PARVA: variants seen among roughly 807,000 people sequenced by gnomAD.
PARVA encodes parvin alpha.
PARVA carries 25 observed loss-of-function variants against 52.6 expected under a neutral mutation model. The observed-to-expected ratio is 0.48, with a 90% confidence interval of 0.35 to 0.66. PARVA has a LOEUF of 0.66. PARVA is among the 30% of genes least tolerant of loss of function. The pLI, the probability that PARVA is intolerant of heterozygous loss-of-function variation, is 0.01. For synonymous variants in PARVA, 185 were observed against 179.1 expected, an observed-to-expected ratio of 1.03 and a Z score of -0.26; for missense variants, 373 against 450.9, an observed-to-expected ratio of 0.83 and a Z score of 1.56.
chr11:12,382,782 A>T (rs1939511806), intron 1 of PARVA, among the ~76,000 whole-genome samples: 1 of 152,160 alleles, frequency 6.6e-6, no homozygotes, highest in African/African-American at 2.4e-5. Context: ...AAGTTACTTA[A>T]CCCCTGTAAG....
At chr11:12,469,641 T>C (rs1450891855) in intron 1 of PARVA, among the ~76,000 whole-genome samples, 1 of 152,224 alleles carries the variant, frequency 6.6e-6, no homozygotes, top group African/African-American at 2.4e-5. Flanking sequence ...AGGCCTGCAC[T>C]GGGCAGTTTG....
chr11:12,426,587 A>G (rs1381713594), intron 1 of PARVA, among the ~76,000 whole-genome samples: 2 of 152,210 alleles, frequency 1.3e-5, no homozygotes, highest in East Asian at 3.8e-4. Context: ...GAGCATCCAG[A>G]TGACGTATGT....
At position 12,473,774 on chromosome 11, in the gene PARVA, G is replaced by T. The variant is rs781396749; in HGVS notation, c.166G>T (p.Ala56Ser). 1 of 1,568,990 alleles carries T rather than the reference G, an allele frequency of 6.4e-7. No homozygotes were observed. The highest frequency in any genetic ancestry group is 1.2e-5 in the South Asian group (1 of 85,102). The change falls in exon 2 of 13, where the codon GCC becomes TCC. Residue 56 changes from alanine (A) to serine (S), a missense_variant. Transcript: ENST00000334956. ...CGAGCTGCAGGAGGAGGGAATGAACGCCATCAACCTGCCCCTCAGCCCAAT... is the reference window on the plus strand; with the variant it reads ...CGAGCTGCAGGAGGAGGGAATGAACTCCATCAACCTGCCCCTCAGCCCAAT... ...VSELQEEGMN[A>S]INLPLSPIPF...
Position 12,439,558 on chromosome 11 carries a change from G to A in PARVA, c.137-34187G>A, listed in dbSNP as rs552686212. Among the ~76,000 whole-genome samples the A allele has an allele frequency of 2.0e-5, 3 of 152,324 alleles. No individual in the cohort carries two copies. In the East Asian group the frequency reaches 5.8e-4, roughly 29 times the overall value. ...AATGATGGCACCCAGAGGCCCAGCTGAAGGGACAGGCCTGGGTTGCCATGT... is the reference window on the plus strand; with the variant it reads ...AATGATGGCACCCAGAGGCCCAGCTAAAGGGACAGGCCTGGGTTGCCATGT... On this transcript the variant is annotated intron_variant, in intron 1 of 12. Transcript: ENST00000334956.
chr11:12,522,421 C>CTTTTTTTTTTTTTTTTTTTTT (rs66494894), intron 12 of PARVA, among the ~76,000 whole-genome samples: 5 of 134,634 alleles, frequency 3.7e-5, no homozygotes, highest in African/African-American at 5.6e-5. Context: ...GAGCTTTATT[C>CTTTTTTTTTTTTTTTTTTTTT]TTTTTTTTTT....
intron 6 of PARVA, among the ~76,000 whole-genome samples, chr11:12,506,218 A>G (rs958027246): frequency 6.6e-6 from 1 of 152,188 alleles, no homozygotes; most frequent in Non-Finnish European, 1.5e-5. Flanking sequence ...AGTTCATGAA[A>G]GAGTACTTTA....
chr11:12,495,704 C>G (rs547650544), intron 4 of PARVA, among the ~76,000 whole-genome samples: 1 of 152,048 alleles, frequency 6.6e-6, no homozygotes, highest in South Asian at 2.1e-4. Flanking sequence ...AAAAACCACT[C>G]AGAAAGAGAA....
At chr11:12,508,438 T>C in intron 6 of PARVA, 146 bp from the exon 7 acceptor site, 1 of 666,118 alleles carries the variant, frequency 1.5e-6, no homozygotes, top group Non-Finnish European at 2.6e-6. Flanking sequence ...GGACCTCCTT[T>C]CACTTCCAGC....
intron 5 of PARVA, among the ~76,000 whole-genome samples, chr11:12,500,792 G>GA (rs1564863828): frequency 6.9e-6 from 1 of 145,754 alleles, no homozygotes; most frequent in Non-Finnish European, 1.5e-5. Context: ...CTCCATCTCA[G>GA]AAAAAAGAAA....
At chr11:12,501,279 G>T (rs991853108) in intron 5 of PARVA, among the ~76,000 whole-genome samples, 3 of 151,598 alleles carry the variant, frequency 2.0e-5, no homozygotes, top group African/African-American at 7.3e-5. Flanking sequence ...TTATAGCTAT[G>T]TATATTACAC....
chr11:12,456,983 T>G (rs991347790), intron 1 of PARVA, among the ~76,000 whole-genome samples: 1 of 152,206 alleles, frequency 6.6e-6, no homozygotes, highest in African/African-American at 2.4e-5. Flanking sequence ...TTCTTTGAAA[T>G]GGTTTTTATA....
intron 1 of PARVA, among the ~76,000 whole-genome samples, chr11:12,464,168 C>T (rs1335293595): frequency 6.6e-6 from 1 of 151,950 alleles, no homozygotes; most frequent in African/African-American, 2.4e-5. Context: ...GCATCTAGGC[C>T]CTCTCAGTTA....
chr11:12,519,469 C>G (rs946895631), intron 12 of PARVA, among the ~76,000 whole-genome samples: 5 of 152,096 alleles, frequency 3.3e-5, no homozygotes, highest in African/African-American at 1.2e-4. Flanking sequence ...AAAGTTGGAG[C>G]CAGTTAGCAA....
chr11:12,377,509 C>A, upstream of PARVA: 2 of 1,417,060 alleles, frequency 1.4e-6, no homozygotes, highest in South Asian at 1.4e-5. Context: ...AAGGGAAAGG[C>A]GAGCGTGAGC....
intron 8 of PARVA, among the ~76,000 whole-genome samples, chr11:12,512,397 C>T (rs1589986974): frequency 6.6e-6 from 1 of 152,292 alleles, no homozygotes. Flanking sequence ...TCCTGGTAGT[C>T]TCAGATTTAC....
intron 1 of PARVA, among the ~76,000 whole-genome samples, chr11:12,449,929 G>T (rs1940601187): frequency 1.3e-5 from 2 of 152,182 alleles, no homozygotes; most frequent in Non-Finnish European, 1.5e-5. Context: ...CCAGATTCTT[G>T]CAAAATAATA....
intron 5 of PARVA, among the ~76,000 whole-genome samples, chr11:12,502,661 C>T (rs1449741068): frequency 3.3e-5 from 5 of 151,770 alleles, no homozygotes; most frequent in East Asian, 1.9e-4. Flanking sequence ...GGAGACATGT[C>T]GAGAGGCAGG....
chr11:12,504,774 G>GGTATGTGTGT (rs1554901962), intron 6 of PARVA, among the ~76,000 whole-genome samples: 4 of 149,240 alleles, frequency 2.7e-5, no homozygotes, highest in Non-Finnish European at 4.4e-5. Context: ...AAGGTATGTG[G>GGTATGTGTGT]GTGTGTGTGT....
chr11:12,508,669 A>G lies in PARVA; in HGVS notation c.716+27A>G, dbSNP rs767808646. The stretch of plus-strand genomic sequence containing the variant: ...TATGTCAACACCATTGTTGCCAGCG[A>G]TTCTGTAATGGAACACAGATGTTTC... On this transcript the variant is annotated intron_variant, in intron 7 of 12. Transcript: ENST00000334956. The G allele has an allele frequency of 5.9e-6, 9 of 1,519,888 alleles. 1 individual carries two copies. In the South Asian group the frequency reaches 8.0e-5, roughly 13 times the overall value. The allele number at this position is 1,519,888 out of a possible 1,614,324, so 94.2% of individuals were successfully genotyped here.
Sources: allele counts gnomAD v4.1 joint callset (sites outside exome capture counted in the v4.1 genomes callset), GRCh38; gene constraint gnomAD v4.1.1; transcripts MANE v1.5; gene names NCBI Gene and HGNC (gene_info 2026-07-23, HGNC 2026-07-21).